CADPS: variants seen among roughly 807,000 people sequenced by gnomAD.
CADPS encodes the protein calcium dependent secretion activator.
In CADPS, 57 loss-of-function variants were observed where a neutral mutation model predicts 167.3. The observed-to-expected ratio is 0.34, with a 90% CI of 0.28 to 0.42. The LOEUF is 0.42. Among genes scored for constraint, CADPS ranks in the 20% least tolerant of loss-of-function variants. The pLI is 1.00. For synonymous variants in CADPS, 676 were observed against 635.3 expected (o/e 1.06, Z -0.96); for missense variants, 1,414 against 1,738.1 (o/e 0.81, Z 3.32).
chr3:62,528,254 T>A (rs2072792045), intron 13 of CADPS, among the ~76,000 whole-genome samples: 1 of 152,198 alleles, frequency 6.6e-6, no homozygotes, highest in Non-Finnish European at 1.5e-5. Context: ...ATATCCATGT[T>A]TGAATCAGGC....
At chr3:62,707,873 T>C (rs951738630) in intron 3 of CADPS, among the ~76,000 whole-genome samples, 15 of 151,946 alleles carry the variant, frequency 9.9e-5, no homozygotes, top group African/African-American at 3.6e-4. Context: ...TATATTTGTA[T>C]TGAACAGTGT....
chr3:62,820,136 A>G (rs1041305326), intron 1 of CADPS, among the ~76,000 whole-genome samples: 2 of 152,118 alleles, frequency 1.3e-5, no homozygotes, highest in Non-Finnish European at 2.9e-5. Context: ...AAGCCCAATG[A>G]TCCTGAACAA....
At chr3:62,854,691 T>G (rs1299948499) in intron 1 of CADPS, among the ~76,000 whole-genome samples, 4 of 152,226 alleles carry the variant, frequency 2.6e-5, no homozygotes, top group Non-Finnish European at 5.9e-5. Context: ...CAAGAAGTTC[T>G]ATTTTTCTGA....
chr3:62,770,395 T>C (rs1391287945), intron 1 of CADPS, among the ~76,000 whole-genome samples: 1 of 152,184 alleles, frequency 6.6e-6, no homozygotes, highest in Non-Finnish European at 1.5e-5. Context: ...ATATACTTTA[T>C]CAGCACAGAA....
At chr3:62,680,828 A>G (rs2077045853) in intron 3 of CADPS, among the ~76,000 whole-genome samples, 1 of 152,034 alleles carries the variant, frequency 6.6e-6, no homozygotes, top group African/African-American at 2.4e-5. Context: ...AATAGTGACA[A>G]TATTGGTGGT....
At chr3:62,588,069 C>A (rs903388120) in intron 7 of CADPS, among the ~76,000 whole-genome samples, 2 of 152,196 alleles carry the variant, frequency 1.3e-5, no homozygotes, top group Admixed American at 1.3e-4. Flanking sequence ...GACCCACCCC[C>A]TGAAGTAGCT....
chr3:62,448,585 T>C (rs2057561316), intron 26 of CADPS, among the ~76,000 whole-genome samples: 1 of 151,592 alleles, frequency 6.6e-6, no homozygotes, highest in Non-Finnish European at 1.5e-5. Context: ...TAGAGACATG[T>C]GTGTATCATT....
chr3:62,809,717 T>C (rs2094303866), intron 1 of CADPS, among the ~76,000 whole-genome samples: 1 of 152,176 alleles, frequency 6.6e-6, no homozygotes, highest in Non-Finnish European at 1.5e-5. Flanking sequence ...AGAGGAGGGA[T>C]GAGGTTTGTC....
At chr3:62,654,606 T>C (rs1286461118) in intron 4 of CADPS, among the ~76,000 whole-genome samples, 1 of 151,920 alleles carries the variant, frequency 6.6e-6, no homozygotes, top group African/African-American at 2.4e-5. Context: ...AAGGGAAGAG[T>C]GAGGTAGGTT....
intron 11 of CADPS, among the ~76,000 whole-genome samples, chr3:62,549,356 G>A (rs938147554): frequency 4.6e-5 from 7 of 151,426 alleles, no homozygotes; most frequent in South Asian, 2.1e-4. Flanking sequence ...GAAAAAACTC[G>A]AATATGAACT....
chr3:62,540,761 T>A (rs1225240110), intron 11 of CADPS, among the ~76,000 whole-genome samples: 2 of 152,192 alleles, frequency 1.3e-5, no homozygotes, highest in Non-Finnish European at 2.9e-5. Flanking sequence ...AGCAACACCA[T>A]ACAGTCATTC....
At chr3:62,638,611 C>A (rs559110053) in intron 6 of CADPS, among the ~76,000 whole-genome samples, 1 of 152,046 alleles carries the variant, frequency 6.6e-6, no homozygotes, top group Non-Finnish European at 1.5e-5. Flanking sequence ...CAAGATTAGA[C>A]TACTCATGAA....
At position 62,657,130 on chromosome 3, in the gene CADPS, G is replaced by A. The variant is rs2071828143; in HGVS notation, c.969+5184C>T. Reference sequence around the variant, plus strand: ...TTAGTATCTTTCTCTGGTAGGAGAGGATTCCATTTGTATCTGGTTTATGGC... The same window carrying A: ...TTAGTATCTTTCTCTGGTAGGAGAGAATTCCATTTGTATCTGGTTTATGGC... On this transcript the variant is annotated intron_variant, in intron 4 of 29. Transcript: ENST00000383710. Among the ~76,000 whole-genome samples, 5 of 152,304 alleles carry A rather than the reference G, an allele frequency of 3.3e-5. No homozygotes were observed. In the South Asian group the frequency reaches 1.0e-3, roughly 32 times the overall value.
chr3:62,739,020 C>T (rs190399291), intron 3 of CADPS, among the ~76,000 whole-genome samples: 1 of 152,268 alleles, frequency 6.6e-6, no homozygotes, highest in East Asian at 1.9e-4. Context: ...TATAACGACA[C>T]CTTTTGCAAT....
intron 1 of CADPS, among the ~76,000 whole-genome samples, chr3:62,861,248 A>T (rs375274480): frequency 1.1e-4 from 17 of 152,348 alleles, no homozygotes; most frequent in African/African-American, 3.1e-4. Context: ...AATGTTATGC[A>T]GAAGAGTTTT....
At chr3:62,453,594 G>T (rs530034727) in intron 26 of CADPS, among the ~76,000 whole-genome samples, 1 of 152,198 alleles carries the variant, frequency 6.6e-6, no homozygotes, top group Non-Finnish European at 1.5e-5. Context: ...GGGACTGACT[G>T]CTTGGGTGAG....
At chr3:62,833,727 T>A (rs890685596) in intron 1 of CADPS, among the ~76,000 whole-genome samples, 11 of 152,078 alleles carry the variant, frequency 7.2e-5, no homozygotes, top group Non-Finnish European at 1.2e-4. Context: ...ACAGAGAAGC[T>A]GGTGCTGAAC....
chr3:62,499,524 C>T (rs1288735202), intron 17 of CADPS: 1 of 282,092 alleles, frequency 3.5e-6, no homozygotes, highest in African/African-American at 2.1e-5. Context: ...AAGTCTATGA[C>T]AGCCCATATC....
chr3:62,426,384 C>T (rs543560951), intron 28 of CADPS, among the ~76,000 whole-genome samples: 36 of 152,214 alleles, frequency 2.4e-4, no homozygotes, highest in African/African-American at 6.3e-4. Context: ...CTCCTGATCT[C>T]GTGATCCACC....
Sources: allele counts gnomAD v4.1 joint callset (sites outside exome capture counted in the v4.1 genomes callset), GRCh38; gene constraint gnomAD v4.1.1; transcripts MANE v1.5; gene names NCBI Gene and HGNC (gene_info 2026-07-23, HGNC 2026-07-21).